Variants in CSMD1 observed in about 807,000 individuals in gnomAD.
CSMD1 encodes CUB and sushi domain-containing protein 1.
CSMD1 carries 213 observed loss-of-function variants against 417.5 expected under a neutral mutation model. The observed-to-expected ratio is 0.51, with a 90% CI of 0.46 to 0.57. CSMD1 has a LOEUF of 0.57. Among genes scored for constraint, CSMD1 ranks in the 20% least tolerant of loss-of-function variants. CSMD1 has a pLI of 0.00. For synonymous variants in CSMD1, 2,862 were observed against 1,736.8 expected (o/e 1.65, Z -16.11); for missense variants, 6,923 against 4,529.7 (o/e 1.53, Z -15.17).
intron 26 of CSMD1, among the ~76,000 whole-genome samples, chr8:3,282,340 A>G (rs1189850254): frequency 6.6e-6 from 1 of 152,082 alleles, no homozygotes; most frequent in Non-Finnish European, 1.5e-5. Flanking sequence ...CCTTCTACTC[A>G]ATCTTACTGC....
intron 21 of CSMD1, among the ~76,000 whole-genome samples, chr8:3,349,356 C>G (rs1024455413): frequency 1.3e-5 from 2 of 152,284 alleles, no homozygotes; most frequent in African/African-American, 4.8e-5. Context: ...CACTTGCCAG[C>G]AGGAAGTTGC....
At chr8:4,063,110 T>C (rs1469535973) in intron 3 of CSMD1, among the ~76,000 whole-genome samples, 3 of 152,128 alleles carry the variant, frequency 2.0e-5, no homozygotes. Context: ...GTAAGTTGAC[T>C]ATAGCTAATA....
At chr8:3,865,164 C>T (rs1804997801) in intron 5 of CSMD1, among the ~76,000 whole-genome samples, 1 of 152,208 alleles carries the variant, frequency 6.6e-6, no homozygotes, top group South Asian at 2.1e-4. Flanking sequence ...GCTCCGATTC[C>T]TTGGGTGTAG....
At chr8:4,199,656 G>C (rs1321859692) in intron 3 of CSMD1, among the ~76,000 whole-genome samples, 1 of 152,136 alleles carries the variant, frequency 6.6e-6, no homozygotes, top group East Asian at 1.9e-4. Context: ...CCCAAGCTCA[G>C]TGTATGAGGC....
chr8:4,447,855 T>C (rs766934445), intron 2 of CSMD1, among the ~76,000 whole-genome samples: 4 of 152,102 alleles, frequency 2.6e-5, no homozygotes, highest in Non-Finnish European at 5.9e-5. Context: ...CTTAAAAAAG[T>C]GTAAGTAGAG....
At chr8:4,359,135 G>A (rs1393577167) in intron 3 of CSMD1, among the ~76,000 whole-genome samples, 1 of 152,198 alleles carries the variant, frequency 6.6e-6, no homozygotes. Flanking sequence ...AGAAGGCAGA[G>A]TTGTAGCCCA....
At chr8:4,652,977 T>G (rs913438669) in intron 1 of CSMD1, among the ~76,000 whole-genome samples, 1 of 152,040 alleles carries the variant, frequency 6.6e-6, no homozygotes, top group Admixed American at 6.5e-5. Context: ...AAGCTTCCCT[T>G]GCTCACCCAC....
intron 21 of CSMD1, among the ~76,000 whole-genome samples, chr8:3,351,798 C>A (rs1808442605): frequency 1.3e-5 from 2 of 149,022 alleles, no homozygotes; most frequent in African/African-American, 4.9e-5. Context: ...GTATAATATA[C>A]ATACAATGTG....
chr8:4,319,713 A>T (rs1799155968), intron 3 of CSMD1, among the ~76,000 whole-genome samples: 1 of 152,086 alleles, frequency 6.6e-6, no homozygotes, highest in South Asian at 2.1e-4. Flanking sequence ...CAGTTCTTGG[A>T]TTAGAGGAAA....
At chr8:3,340,714 A>C (rs894726135) in intron 23 of CSMD1, among the ~76,000 whole-genome samples, 3 of 152,204 alleles carry the variant, frequency 2.0e-5, no homozygotes, top group Admixed American at 6.5e-5. Flanking sequence ...ATTTACAACT[A>C]ACAATTTAAT....
chr8:3,286,559 G>C (rs1371596415), intron 25 of CSMD1, among the ~76,000 whole-genome samples: 2 of 152,044 alleles, frequency 1.3e-5, no homozygotes, highest in Non-Finnish European at 2.9e-5. Flanking sequence ...GTTTTGATTT[G>C]CATTTCTCTG....
intron 2 of CSMD1, among the ~76,000 whole-genome samples, chr8:4,450,359 G>A (rs965264246): frequency 6.6e-6 from 1 of 152,046 alleles, no homozygotes; most frequent in African/African-American, 2.4e-5. Context: ...CGGGTGTGGT[G>A]GCTCACACCT....
chr8:4,528,961 TG>T (rs1230273353), intron 2 of CSMD1, among the ~76,000 whole-genome samples: 1 of 152,212 alleles, frequency 6.6e-6, no homozygotes, highest in Non-Finnish European at 1.5e-5. Flanking sequence ...ACTGTATTTT[TG>T]TTAGGTCTTT....
intron 12 of CSMD1, among the ~76,000 whole-genome samples, chr8:3,429,364 T>A (rs1280302473): frequency 1.3e-5 from 2 of 152,172 alleles, no homozygotes; most frequent in Admixed American, 1.3e-4. Flanking sequence ...TTGGTAACTT[T>A]TTAAAAAGTT....
At chr8:4,405,247 C>T (rs1443849685) in intron 3 of CSMD1, among the ~76,000 whole-genome samples, 2 of 152,124 alleles carry the variant, frequency 1.3e-5, no homozygotes, top group Non-Finnish European at 2.9e-5. Context: ...AAATGCTTAG[C>T]TTGGAAAAGA....
At chr8:3,199,838 AAAACAC>A (rs1429178493) in intron 32 of CSMD1, 29 bp from the exon 33 acceptor site, 4 of 1,409,488 alleles carry the variant, frequency 2.8e-6, no homozygotes, top group Non-Finnish European at 3.9e-6. Flanking sequence ...ACAGATTCAG[AAAACAC>A]ACAGCACCGT....
intron 25 of CSMD1, among the ~76,000 whole-genome samples, chr8:3,307,371 T>C (rs952360852): frequency 2.0e-5 from 3 of 151,888 alleles, no homozygotes; most frequent in Admixed American, 2.0e-4. Context: ...CCCCAGGCAG[T>C]CTCACGCAGA....
intron 1 of CSMD1, among the ~76,000 whole-genome samples, chr8:4,821,686 G>C (rs538651993): frequency 1.3e-5 from 2 of 152,230 alleles, no homozygotes; most frequent in South Asian, 4.1e-4. Context: ...TTCCTTTGAA[G>C]AAAGAGCCCT....
intron 18 of CSMD1, among the ~76,000 whole-genome samples, chr8:3,380,286 T>C (rs71521852): frequency 0.3 from 44,883 of 151,992 alleles, 6,753 homozygotes; most frequent in Admixed American, 0.31. Flanking sequence ...TTTACACTGT[T>C]GGTGGGAGTG....
Sources: allele counts gnomAD v4.1 joint callset (sites outside exome capture counted in the v4.1 genomes callset), GRCh38; gene constraint gnomAD v4.1.1; transcripts MANE v1.5; gene names NCBI Gene and HGNC (gene_info 2026-07-23, HGNC 2026-07-21).